The following VGLL4 variants were observed in gnomAD, a reference collection of about 807,000 sequenced individuals.
VGLL4 encodes the protein vestigial like family member 4, also known as transcription cofactor vestigial-like protein 4.
In VGLL4, 7 loss-of-function variants were observed where a neutral mutation model predicts 21.0. The observed-to-expected ratio is 0.33, with a 90% CI of 0.19 to 0.63. The LOEUF (loss-of-function observed/expected upper bound fraction) is 0.63. VGLL4 is among the 20% of genes least tolerant of loss of function. VGLL4 has a pLI of 0.78. For synonymous variants in VGLL4, 222 were observed against 173.2 expected (o/e 1.28, Z -2.21); for missense variants, 394 against 425.7 (o/e 0.93, Z 0.66).
upstream of VGLL4, among the ~76,000 whole-genome samples, chr3:11,648,156 C>T (rs148842221): frequency 2.4e-3 from 364 of 152,202 alleles, no homozygotes; most frequent in African/African-American, 7.6e-3. Flanking sequence ...TCTTTTTCTA[C>T]GAATGAATAA....
chr3:11,559,772 G>A, intron 3 of VGLL4, among the ~76,000 whole-genome samples: 1 of 152,186 alleles, frequency 6.6e-6, no homozygotes, highest in African/African-American at 2.4e-5. Flanking sequence ...ATCCTGTGGA[G>A]GACAGAGGGT....
At chr3:11,564,738 TCCAGCCCAGTCCC>T in intron 3 of VGLL4, 46 bp downstream of exon 3, 1 of 1,487,872 alleles carries the variant, frequency 6.7e-7, no homozygotes, top group South Asian at 1.2e-5. Flanking sequence ...GGGCTCTCCA[TCCAGCCCAGTCCC>T]CCAGCCCCTG....
intron 1 of VGLL4, among the ~76,000 whole-genome samples, chr3:11,613,530 T>C (rs1048747684): frequency 1.3e-5 from 2 of 152,200 alleles, no homozygotes; most frequent in African/African-American, 2.4e-5. Context: ...TTCTCTGTAA[T>C]ACCTCGCACG....
chr3:11,665,830 G>A (rs1404122481), intron 2 of VGLL4, among the ~76,000 whole-genome samples: 1 of 152,222 alleles, frequency 6.6e-6, no homozygotes, highest in Non-Finnish European at 1.5e-5. Flanking sequence ...AGACAAATGA[G>A]AGAAATCAAA....
intron 2 of VGLL4, among the ~76,000 whole-genome samples, chr3:11,587,895 C>T (rs945882345): frequency 2.6e-5 from 4 of 152,218 alleles, no homozygotes; most frequent in African/African-American, 9.6e-5. Context: ...GATCACGTGC[C>T]GTGAAAGAAG....
chr3:11,679,481 G>A lies in VGLL4; in HGVS notation c.64+23490C>T, dbSNP rs561733934. Among the ~76,000 whole-genome samples, 43 of 152,212 alleles carry A rather than the reference G, an allele frequency of 2.8e-4. 1 individual carries two copies. In the South Asian group the frequency reaches 5.8e-3, roughly 21 times the overall value. On this transcript the variant is annotated intron_variant, in intron 2 of 5. Coordinates refer to the VGLL4 transcript ENST00000273038. ...GGGCGGATCATGAGGTCAGGAGATC[G>A]AGACGAGCCTGGCCAGCATGGTGAA... is the stretch of plus-strand genomic sequence containing the variant.
At chr3:11,678,379 A>C (rs73012828) in intron 2 of VGLL4, among the ~76,000 whole-genome samples, 1 of 152,290 alleles carries the variant, frequency 6.6e-6, no homozygotes, top group Non-Finnish European at 1.5e-5. Flanking sequence ...TTTGATTCAC[A>C]CCACATAAAA....
At chr3:11,573,265 A>AGAGAGAGAGAG (rs2073866896) in intron 2 of VGLL4, among the ~76,000 whole-genome samples, 1 of 9,198 alleles carries the variant, frequency 1.1e-4, no homozygotes, top group African/African-American at 9.4e-4. Context: ...GAAAGAAAGA[A>AGAGAGAGAGAG]AGAAAGAAAG....
At position 11,656,383 on chromosome 3, in the gene VGLL4, C is replaced by T. The variant is rs149835759; in HGVS notation, c.64+46588G>A. 3.3e-5 allele frequency among the ~76,000 whole-genome samples: 5 copies of T among 152,276 alleles called. No individual in the cohort carries two copies. In the East Asian group the frequency reaches 7.7e-4, roughly 24 times the overall value. On this transcript the variant is annotated intron_variant, in intron 2 of 5. Coordinates refer to the VGLL4 transcript ENST00000273038. ...GGTGTCCAACACAGGGAGGGATCCA[C>T]GGTGACATATAAGGCCCCCGGAGGC...
intron 1 of VGLL4, among the ~76,000 whole-genome samples, chr3:11,642,499 T>C (rs967802731): frequency 1.3e-5 from 2 of 152,226 alleles, no homozygotes; most frequent in African/African-American, 4.8e-5. Context: ...CTGCTCCTGC[T>C]GAATGAGAAA....
Position 11,568,741 on chromosome 3 carries a change from G to A in VGLL4, c.273-3722C>T, listed in dbSNP as rs191966296. The A allele has an allele frequency of 6.3e-5, 96 of 1,529,990 alleles. No individual in the cohort carries two copies. The highest frequency in any genetic ancestry group is 7.6e-5 in the Non-Finnish European group (87 of 1,137,416). 94.8% of individuals were successfully genotyped at this position (1,529,990 alleles called of 1,614,324 possible). The stretch of plus-strand genomic sequence containing the variant: ...TCCCGGGGACGGCAGAAAACCGCAC[G>A]CATCCTGCCCGGGAGATGGAAGTCG... On this transcript the variant is annotated intron_variant, in intron 2 of 4. Transcript: ENST00000430365. This position sits in a 1 kb window ranked among gnomAD's most constrained non-coding sequence, Gnocchi z 5.9.
chr3:11,678,124 G>A (rs1447577838), intron 2 of VGLL4, among the ~76,000 whole-genome samples: 1 of 151,940 alleles, frequency 6.6e-6, no homozygotes, highest in Admixed American at 6.6e-5. Context: ...CGCCATCTCA[G>A]CTCAATGCAA....
chr3:11,643,506 T>C lies in VGLL4; in HGVS notation c.13A>G (p.Lys5Glu), dbSNP rs757024555. The change falls in exon 1 of 5, where the codon AAG becomes GAG. Residue 5 changes from lysine (K) to glutamate (E), a missense_variant. Physicochemically the swap from Lys to Glu is moderately conservative, Grantham distance 56. Coordinates refer to ENST00000430365, the MANE Select transcript of VGLL4 (RefSeq NM_001128219.3). ...TACTGATAGTTCAACAGGTCCATCT[T>C]CATAAATAGCATTTATTGGGCTAGC... MLFM[K>E]MDLLNYQYLD... The C allele has an allele frequency of 6.2e-7, 1 of 1,614,062 alleles. No homozygotes were observed. Among genetic ancestry groups the C allele is most frequent in the East Asian group, 2.2e-5 (1 of 44,888 alleles).
At chr3:11,601,754 G>A (rs1426027623) in intron 2 of VGLL4, 79 bp downstream of exon 2, 1 of 1,474,412 alleles carries the variant, frequency 6.8e-7, no homozygotes, top group Non-Finnish European at 9.4e-7. Flanking sequence ...GATAACATCA[G>A]AATTAGCACA....
At chr3:11,598,583 G>A (rs1380035905) in intron 2 of VGLL4, among the ~76,000 whole-genome samples, 7 of 151,946 alleles carry the variant, frequency 4.6e-5, no homozygotes, top group African/African-American at 1.7e-4. Flanking sequence ...TTAAACTCCT[G>A]GGCTAAAGCT....
intron 2 of VGLL4, among the ~76,000 whole-genome samples, chr3:11,691,791 C>A (rs1282945981): frequency 6.6e-6 from 1 of 152,010 alleles, no homozygotes; most frequent in Non-Finnish European, 1.5e-5. Context: ...ATGGAAAAAT[C>A]ATTGCTTAGG....
At chr3:11,711,265 C>T (rs1467433398) in intron 1 of VGLL4, among the ~76,000 whole-genome samples, 2 of 151,932 alleles carry the variant, frequency 1.3e-5, no homozygotes, top group Non-Finnish European at 2.9e-5. Flanking sequence ...ATTGGCCAGT[C>T]GTGGTGGTTC....
intron 2 of VGLL4, among the ~76,000 whole-genome samples, chr3:11,661,498 T>A (rs767308046): frequency 6.6e-6 from 1 of 151,602 alleles, no homozygotes; most frequent in Non-Finnish European, 1.5e-5. Flanking sequence ...TGAGAGGAAG[T>A]CTTATTCTAT....
intron 2 of VGLL4, among the ~76,000 whole-genome samples, chr3:11,576,558 A>G (rs1446827032): frequency 6.6e-6 from 1 of 152,250 alleles, no homozygotes; most frequent in African/African-American, 2.4e-5. Flanking sequence ...GCACAGCAGC[A>G]GAGGCATCAG....
Sources: allele counts gnomAD v4.1 joint callset (sites outside exome capture counted in the v4.1 genomes callset), GRCh38; gene constraint gnomAD v4.1.1; non-coding constraint Gnocchi (gnomAD v3.1); transcripts MANE v1.5; gene names NCBI Gene and HGNC (gene_info 2026-07-23, HGNC 2026-07-21).